The following SAMSN1 variants were observed in gnomAD, a reference collection of about 807,000 sequenced individuals.
The protein encoded by SAMSN1 is SAM domain, SH3 domain and nuclear localization signals 1.
In SAMSN1, 31 loss-of-function variants were observed where a neutral mutation model predicts 42.0. That is an observed-to-expected ratio of 0.74 (90% CI 0.55 to 1.00). The LOEUF (loss-of-function observed/expected upper bound fraction) is 1.00, where lower values mean the gene tolerates loss of function less well. Among genes scored for constraint, SAMSN1 ranks in the 50% least tolerant of loss-of-function variants. The probability of loss-of-function intolerance (pLI) is 0.00; values close to 1 mark genes in which losing one functional copy is unlikely to be tolerated. For missense variants in SAMSN1, 464 were observed against 439.4 expected, an observed-to-expected ratio of 1.06 and a Z score of -0.50; for synonymous variants, 178 against 151.9, an observed-to-expected ratio of 1.17 and a Z score of -1.26.
chr21:14,570,022 G>A (rs1402210226), intron 2 of SAMSN1, among the ~76,000 whole-genome samples: 1 of 151,060 alleles, frequency 6.6e-6, no homozygotes, highest in Non-Finnish European at 1.5e-5. Flanking sequence ...CTTGTCATGA[G>A]TTACAGTGGC....
chr21:14,572,419 C>A (rs2123221760), intron 2 of SAMSN1, among the ~76,000 whole-genome samples: 1 of 152,246 alleles, frequency 6.6e-6, no homozygotes, highest in African/African-American at 2.4e-5. Flanking sequence ...GGAGTTTCCA[C>A]CATATGCTGC....
At chr21:14,614,050 T>C (rs1982773045) in intron 3 of SAMSN1, among the ~76,000 whole-genome samples, 1 of 152,146 alleles carries the variant, frequency 6.6e-6, no homozygotes, top group Admixed American at 6.6e-5. Flanking sequence ...CCAGCTGAGC[T>C]TTTTGGATCC....
chr21:14,487,168 A>C (rs1022197377), intron 7 of SAMSN1, among the ~76,000 whole-genome samples: 4 of 152,166 alleles, frequency 2.6e-5, no homozygotes, highest in African/African-American at 7.2e-5. Flanking sequence ...CACACATTTA[A>C]GGTTGGGACA....
intron 7 of SAMSN1, among the ~76,000 whole-genome samples, chr21:14,492,908 T>C (rs1484114451): frequency 6.6e-6 from 1 of 152,258 alleles, no homozygotes; most frequent in Non-Finnish European, 1.5e-5. Context: ...TTTAAAGCTG[T>C]AGATTTCTTG....
intron 2 of SAMSN1, among the ~76,000 whole-genome samples, chr21:14,563,287 A>T (rs1023950478): frequency 3.3e-5 from 5 of 152,210 alleles, no homozygotes; most frequent in African/African-American, 1.2e-4. Flanking sequence ...CTGATGCCAA[A>T]ATATTAATTA....
chr21:14,496,415 G>T (rs916211792), intron 7 of SAMSN1: 3 of 152,160 alleles, frequency 2.0e-5, no homozygotes, highest in African/African-American at 7.2e-5. Context: ...TATTATGGAA[G>T]AAAAGCAATC....
intron 2 of SAMSN1, among the ~76,000 whole-genome samples, chr21:14,641,022 A>G (rs1008555358): frequency 1.3e-5 from 2 of 152,102 alleles, no homozygotes; most frequent in African/African-American, 4.8e-5. Context: ...TGTGTGAGAC[A>G]TTTAAAAAAA....
At chr21:14,610,596 C>CA (rs146932683) in intron 4 of SAMSN1, among the ~76,000 whole-genome samples, 6,535 of 152,238 alleles carry the variant, frequency 0.043, 339 homozygotes, top group African/African-American at 0.11. Flanking sequence ...GTTTGTGGCT[C>CA]GGGGGCATCA....
chr21:14,621,397 A>G (rs1044604651), intron 2 of SAMSN1, among the ~76,000 whole-genome samples: 3 of 152,216 alleles, frequency 2.0e-5, no homozygotes, highest in Non-Finnish European at 2.9e-5. Context: ...TTTCCTAGCC[A>G]AGGGAAGCTG....
intron 2 of SAMSN1, among the ~76,000 whole-genome samples, chr21:14,577,257 TATATATATATATATATATATA>T (rs1981515907): frequency 2.3e-5 from 1 of 42,982 alleles, no homozygotes; most frequent in Non-Finnish European, 4.4e-5. Context: ...TATATATATA[TATATATATATATATATATATA>T]TATATATTTT....
chr21:14,571,742 T>A (rs984229819), intron 2 of SAMSN1, among the ~76,000 whole-genome samples: 1 of 151,718 alleles, frequency 6.6e-6, no homozygotes, highest in Middle Eastern at 3.2e-3. Context: ...ATTCGGGAGG[T>A]CAGAAAAGGG....
At chr21:14,578,704 AAGACCC>A (rs1981590865) in intron 2 of SAMSN1, among the ~76,000 whole-genome samples, 2 of 3,014 alleles carry the variant, frequency 6.6e-4, no homozygotes, top group Admixed American at 3.0e-3. Flanking sequence ...AAAAAAAAAA[AAGACCC>A]CAAGATTGTA....
intron 4 of SAMSN1, among the ~76,000 whole-genome samples, chr21:14,609,738 G>A (rs928763911): frequency 2.0e-5 from 3 of 152,216 alleles, no homozygotes; most frequent in Non-Finnish European, 4.4e-5. Context: ...CCCGAACGGA[G>A]GGACCGGCTG....
intron 1 of SAMSN1, among the ~76,000 whole-genome samples, chr21:14,540,958 A>C (rs1252504910): frequency 1.3e-5 from 2 of 152,214 alleles, no homozygotes; most frequent in Non-Finnish European, 2.9e-5. Flanking sequence ...GCCATAAAAA[A>C]TGATGAGTTC....
At chr21:14,563,354 A>G (rs959640377) in intron 2 of SAMSN1, among the ~76,000 whole-genome samples, 1 of 152,224 alleles carries the variant, frequency 6.6e-6, no homozygotes, top group Non-Finnish European at 1.5e-5. Flanking sequence ...ATTGAAGGAG[A>G]AATTTAACAT....
At chr21:14,635,781 TACA>T (rs34260272) in intron 2 of SAMSN1, among the ~76,000 whole-genome samples, 116,110 of 151,646 alleles carry the variant, frequency 0.77, 45,007 homozygotes, top group Middle Eastern at 0.89. Context: ...TAAAGAGGGT[TACA>T]ACAACATTTG....
At chr21:14,654,573 T>C (rs1384954923) in intron 1 of SAMSN1, among the ~76,000 whole-genome samples, 2 of 151,922 alleles carry the variant, frequency 1.3e-5, no homozygotes, top group Non-Finnish European at 2.9e-5. Context: ...CAACCACTGC[T>C]ATAAAAGAGG....
chr21:14,644,451 G>A (rs563777431), intron 1 of SAMSN1, among the ~76,000 whole-genome samples: 6 of 152,132 alleles, frequency 3.9e-5, no homozygotes, highest in Admixed American at 6.5e-5. Context: ...GAAGGAAAGG[G>A]TTCAGTCCTG....
Position 14,521,182 on chromosome 21 carries a change from T to C in SAMSN1, c.97A>G (p.Asn33Asp). 1 of 1,611,548 alleles carries C rather than the reference T, an allele frequency of 6.2e-7. No individual in the cohort carries two copies. The highest frequency in any genetic ancestry group is 8.5e-7 in the Non-Finnish European group (1 of 1,178,596). ...GAATCATCTGGTTTTGATAAAGAAT[T>C]ATTCCGAAAACGATCGAAATTCCCA... ...SFGNFDRFRN[N>D]SLSKPDDSTE... is the part of the protein sequence containing the mutation. The change falls in exon 2 of 8, where the codon AAT becomes GAT. Residue 33 changes from asparagine (N) to aspartate (D), a missense_variant. By Grantham distance (23) the Asn-to-Asp change is conservative (BLOSUM62 1). Coordinates refer to ENST00000400566, the MANE Select transcript of SAMSN1 (RefSeq NM_022136.5).
Sources: gnomAD v4.1 joint callset for allele counts (sites outside exome capture counted in the v4.1 genomes callset) on GRCh38, gnomAD v4.1.1 for gene constraint, MANE v1.5 for transcripts, NCBI Gene and HGNC (gene_info 2026-07-23, HGNC 2026-07-21) for gene names.